ZEB2: variants seen among roughly 807,000 people sequenced by gnomAD.
ZEB2 encodes the protein zinc finger E-box-binding homeobox 2.
A neutral mutation model predicts 99.9 loss-of-function variants in ZEB2; 6 were observed. The ratio of observed to expected loss-of-function variants is 0.06; its 90% CI spans 0.03 to 0.12. The LOEUF is 0.12. Among genes scored for constraint, ZEB2 ranks in the 10% least tolerant of loss-of-function variants. The pLI, the probability that ZEB2 is intolerant of heterozygous loss-of-function variation, is 1.00. For synonymous variants in ZEB2, 517 were observed against 542.5 expected (o/e 0.95, Z 0.65); for missense variants, 969 against 1,502.8 (o/e 0.64, Z 5.87).
rs1481567802 is a variant in ZEB2 at position 144,466,046 on chromosome 2, G to A, written c.74-36020C>T. Among the ~76,000 whole-genome samples the A allele has an allele frequency of 3.3e-5, 5 of 152,282 alleles. No individual in the cohort carries two copies. The South Asian group carries it at 8.3e-4, about 25-fold the overall frequency. ...AAAATCTCTTATGAATAGTCATTAG[G>A]CCTTCACTACAAACCCCTCAAAACC... On this transcript the variant is annotated intron_variant, in intron 2 of 9. Transcript: ENST00000627532.
intron 2 of ZEB2, among the ~76,000 whole-genome samples, chr2:144,510,653 C>T (rs1225129875): frequency 7.9e-5 from 12 of 151,840 alleles, no homozygotes. Context: ...CAGCCACAAA[C>T]ACCTAAGTTA....
intron 3 of ZEB2, chr2:144,429,508 A>T: frequency 2.0e-6 from 1 of 512,484 alleles, no homozygotes; most frequent in South Asian, 2.1e-5. Flanking sequence ...CAAATACCTC[A>T]TGTTATGTGT....
At chr2:144,406,264 C>T (rs1703385038) in intron 4 of ZEB2, among the ~76,000 whole-genome samples, 1 of 152,004 alleles carries the variant, frequency 6.6e-6, no homozygotes, top group Non-Finnish European at 1.5e-5. Flanking sequence ...TTCTGAATGC[C>T]TAGTGTGTGA....
At chr2:144,419,561 T>C (rs535712665) in intron 4 of ZEB2, among the ~76,000 whole-genome samples, 1 of 152,338 alleles carries the variant, frequency 6.6e-6, no homozygotes, top group South Asian at 2.1e-4. Flanking sequence ...GCACCTAAGA[T>C]AGCTCCTTGT....
At chr2:144,395,997 C>T (rs531598269) in intron 9 of ZEB2, among the ~76,000 whole-genome samples, 36 of 150,950 alleles carry the variant, frequency 2.4e-4, no homozygotes, top group Middle Eastern at 3.4e-3. Context: ...TTATGGCTTT[C>T]TTGGTGTTTT....
intron 4 of ZEB2, among the ~76,000 whole-genome samples, chr2:144,407,394 C>T (rs1190910684): frequency 6.6e-6 from 1 of 152,200 alleles, no homozygotes; most frequent in Non-Finnish European, 1.5e-5. Context: ...TTTCCCCTTG[C>T]TGTATGCACA....
chr2:144,495,139 T>C (rs989825207), intron 2 of ZEB2: 1 of 152,346 alleles, frequency 6.6e-6, no homozygotes, highest in South Asian at 2.1e-4. Context: ...AACTAGTCTA[T>C]GCAGGTTTAT....
intron 2 of ZEB2, among the ~76,000 whole-genome samples, chr2:144,456,674 T>A (rs1704125936): frequency 6.6e-6 from 1 of 152,154 alleles, no homozygotes; most frequent in Non-Finnish European, 1.5e-5. Flanking sequence ...GTAACTCTAA[T>A]AAATTTTTCT....
At chr2:144,429,693 G>C in intron 3 of ZEB2, 76 bp downstream of exon 3, 1 of 1,603,886 alleles carries the variant, frequency 6.2e-7, no homozygotes, top group Non-Finnish European at 8.5e-7. Context: ...GGTTGTGGGC[G>C]ATCTGCTAGG....
intron 2 of ZEB2, chr2:144,463,830 CTCAA>C (rs1023306559): frequency 3.4e-5 from 5 of 146,576 alleles, no homozygotes; most frequent in African/African-American, 7.7e-5. Flanking sequence ...GAGACCCTGT[CTCAA>C]AAAACAAAAA....
intron 2 of ZEB2, among the ~76,000 whole-genome samples, chr2:144,480,570 C>T (rs917935186): frequency 6.6e-6 from 1 of 152,070 alleles, no homozygotes; most frequent in South Asian, 2.1e-4. Context: ...TGTTGCTTGG[C>T]CCTACTCTGT....
At chr2:144,498,385 C>T (rs564625048) in intron 2 of ZEB2, among the ~76,000 whole-genome samples, 1 of 151,654 alleles carries the variant, frequency 6.6e-6, no homozygotes, top group African/African-American at 2.4e-5. Context: ...TCCCACCACT[C>T]TGCTGAAATT....
intron 2 of ZEB2, among the ~76,000 whole-genome samples, chr2:144,464,883 A>T (rs759709747): frequency 8.5e-5 from 13 of 152,208 alleles, no homozygotes; most frequent in Non-Finnish European, 1.8e-4. Context: ...CCATAAAACA[A>T]GCCTTAATGA....
At chr2:144,407,985 C>T (rs557487509) in intron 4 of ZEB2, among the ~76,000 whole-genome samples, 27 of 152,132 alleles carry the variant, frequency 1.8e-4, no homozygotes, top group African/African-American at 6.5e-4. Flanking sequence ...CATTAATAGC[C>T]TTTTGGCTTA....
chr2:144,513,125 T>C, intron 2 of ZEB2: 1 of 1,286,166 alleles, frequency 7.8e-7, no homozygotes, highest in Non-Finnish European at 1.0e-6. Flanking sequence ...GAGAAGGGGT[T>C]GACTGCATTT....
chr2:144,414,980 G>T (rs1334290479), intron 4 of ZEB2, among the ~76,000 whole-genome samples: 2 of 150,230 alleles, frequency 1.3e-5, no homozygotes, highest in Non-Finnish European at 3.0e-5. Flanking sequence ...GTATATGTGT[G>T]TGTAGAAAAT....
intron 2 of ZEB2, among the ~76,000 whole-genome samples, chr2:144,448,467 G>C (rs1358785730): frequency 6.6e-6 from 1 of 152,176 alleles, no homozygotes; most frequent in Non-Finnish European, 1.5e-5. Flanking sequence ...CTTTTCATCT[G>C]TCTCACCTCA....
chr2:144,428,913 G>A (rs1476051783), intron 3 of ZEB2: 1 of 152,108 alleles, frequency 6.6e-6, no homozygotes, highest in East Asian at 1.9e-4. Flanking sequence ...AGAGATGAAG[G>A]TGACATGAGG....
At chr2:144,419,289 C>G (rs1703586608) in intron 4 of ZEB2, among the ~76,000 whole-genome samples, 1 of 152,158 alleles carries the variant, frequency 6.6e-6, no homozygotes, top group Non-Finnish European at 1.5e-5. Flanking sequence ...AAAGTTAGTT[C>G]TTAGACAAGA....
Sources: gnomAD v4.1 joint callset for allele counts (sites outside exome capture counted in the v4.1 genomes callset) on GRCh38, gnomAD v4.1.1 for gene constraint, MANE v1.5 for transcripts, NCBI Gene and HGNC (gene_info 2026-07-23, HGNC 2026-07-21) for gene names.